Variants in LRP5 observed in about 807,000 individuals in gnomAD.
LRP5 encodes the protein LDL receptor related protein 5, also known as low-density lipoprotein receptor-related protein 5.
In LRP5, 62 loss-of-function variants were observed where a neutral mutation model predicts 154.1. That is an observed-to-expected ratio of 0.40 (90% confidence interval 0.33 to 0.50). LRP5 has a LOEUF of 0.50. Ranked by LOEUF, LRP5 falls within the 20% of genes least tolerant of loss-of-function variation. The pLI is 0.55. For synonymous variants in LRP5, 966 were observed against 1,011.5 expected (o/e 0.96, Z 0.85); for missense variants, 1,915 against 2,336.7 (o/e 0.82, Z 3.72).
chr11:68,365,524 A>G (rs1409359426), intron 4 of LRP5, 47 bp from the exon 5 acceptor site: 6 of 1,612,610 alleles, frequency 3.7e-6, no homozygotes, highest in African/African-American at 1.3e-5. Flanking sequence ...GAAACAAGTG[A>G]CGGTCCTCTT....
Position 68,449,004 on chromosome 11 carries a change from C to T in LRP5, c.4782C>T (p.Pro1594=), listed in dbSNP as rs752602099. The T allele has an allele frequency of 3.2e-5, 51 of 1,598,948 alleles. No homozygotes were observed. The highest frequency in any genetic ancestry group is 1.7e-4 in the Middle Eastern group (1 of 6,034). ...CGGAGGACAGCTGCCCGCCCTCGCC[C>T]GCCACCGAGAGGAGCTACTTCCATC... The part of the protein sequence containing the change: ...LSAEDSCPPS[P]ATERSYFHLF... Residue 1594 remains proline (P), a synonymous_variant, in exon 23 of 23, where the codon CCC becomes CCT. Coordinates refer to ENST00000294304, the MANE Select transcript of LRP5 (RefSeq NM_002335.4).
chr11:68,411,875 A>G (rs961997411), intron 11 of LRP5, among the ~76,000 whole-genome samples: 1 of 152,194 alleles, frequency 6.6e-6, no homozygotes, highest in Admixed American at 6.5e-5. Context: ...GCTGGGCACT[A>G]GGTCCCAGCT....
chr11:68,304,004 C>T, the LRP5 span, among the ~76,000 whole-genome samples: 1 of 152,196 alleles, frequency 6.6e-6, no homozygotes, highest in Non-Finnish European at 1.5e-5. Context: ...AGTGGAGTAA[C>T]CTCTTGCTAG....
intron 21 of LRP5, among the ~76,000 whole-genome samples, chr11:68,443,885 G>A (rs1054161386): frequency 6.6e-6 from 1 of 151,252 alleles, no homozygotes; most frequent in African/African-American, 2.4e-5. Flanking sequence ...TCTCGAACTC[G>A]CGACCTCAGG....
intron 5 of LRP5, among the ~76,000 whole-genome samples, chr11:68,375,554 C>T (rs929497586): frequency 3.9e-5 from 6 of 152,222 alleles, no homozygotes; most frequent in African/African-American, 7.2e-5. Flanking sequence ...CTCCTCCGCC[C>T]GTGCGCAGCC....
At chr11:68,419,147 A>C (rs1214562514) in intron 13 of LRP5, among the ~76,000 whole-genome samples, 1 of 152,146 alleles carries the variant, frequency 6.6e-6, no homozygotes, top group South Asian at 2.1e-4. Context: ...TTATCATCCA[A>C]TTGGCCGAGG....
chr11:68,371,626 C>T (rs1397194491), intron 5 of LRP5, among the ~76,000 whole-genome samples: 5 of 152,270 alleles, frequency 3.3e-5, no homozygotes, highest in Non-Finnish European at 7.3e-5. Flanking sequence ...TGCGGCCGTG[C>T]GCCCGGCGGG....
Position 68,386,764 on chromosome 11 carries a change from C to G in LRP5, c.1412+52C>G, listed in dbSNP as rs576924297. On this transcript the variant is annotated intron_variant, in intron 6 of 22. Transcript: ENST00000294304. The surrounding 1 kb of genome is among the most constrained non-coding windows in gnomAD (Gnocchi z 7.9). ...GAGCCAGGGCCAGGCCAAGCACAGG[C>G]GAGAGGGAGATTGACCTGGACCTGT... The G allele has an allele frequency of 1.0e-5, 16 of 1,574,746 alleles. No individual in the cohort carries two copies. In the South Asian group the frequency reaches 1.8e-4, roughly 18 times the overall value.
intron 21 of LRP5, among the ~76,000 whole-genome samples, chr11:68,445,223 C>T (rs1267035706): frequency 6.6e-6 from 1 of 152,172 alleles, no homozygotes; most frequent in Non-Finnish European, 1.5e-5. Flanking sequence ...CCTCAGCCTC[C>T]CAAGTAGCTG....
chr11:68,396,827 G>A (rs2098649657), intron 7 of LRP5, among the ~76,000 whole-genome samples: 1 of 152,154 alleles, frequency 6.6e-6, no homozygotes, highest in South Asian at 2.1e-4. Context: ...ACCTGCTGGG[G>A]CCCACCCAGG....
chr11:68,413,654 C>A lies in LRP5; in HGVS notation c.2504-35C>A. On this transcript the variant is annotated intron_variant, in intron 11 of 22. Transcript: ENST00000294304. The surrounding 1 kb of genome is among the most constrained non-coding windows in gnomAD (Gnocchi z 5.1). ...CGTGTGCTCTGTGGCCTGGCTGTGC[C>A]TTTGCTGACACCGTGCCCGTGTGTG... 6.2e-7 allele frequency: 1 copy of A among 1,601,514 alleles called. No homozygotes were observed. The highest frequency in any genetic ancestry group is 8.6e-7 in the Non-Finnish European group (1 of 1,169,492).
In LRP5 at chr11:68,425,962, C is replaced by A; in HGVS notation, c.3428-16C>A. 1 of 1,606,244 alleles carries A rather than the reference C, an allele frequency of 6.2e-7. No homozygotes were observed. The highest frequency in any genetic ancestry group is 8.5e-7 in the Non-Finnish European group (1 of 1,178,908). ...GAGGTCAGCACTGCTCAGGGGGGCCCACGGGCTGCTTGCAGGGGCCAACCG... is the reference window on the plus strand; with the variant it reads ...GAGGTCAGCACTGCTCAGGGGGGCCAACGGGCTGCTTGCAGGGGCCAACCG... On this transcript the variant is annotated splice_polypyrimidine_tract_variant and intron_variant, in intron 15 of 22. Coordinates refer to ENST00000294304, the MANE Select transcript of LRP5 (RefSeq NM_002335.4).
At chr11:68,312,898 C>G (rs2098589577) in intron 1 of LRP5, 93 bp downstream of exon 1, 1 of 691,290 alleles carries the variant, frequency 1.4e-6, no homozygotes, top group African/African-American at 2.0e-5. Flanking sequence ...GCCGCCGTCT[C>G]GGAAGCGACT....
At chr11:68,366,981 C>G (rs372799749) in intron 5 of LRP5, among the ~76,000 whole-genome samples, 1 of 142,220 alleles carries the variant, frequency 7.0e-6, no homozygotes, top group East Asian at 2.3e-4. Flanking sequence ...CTCTGGCGCT[C>G]GCACTCTGGG....
intron 18 of LRP5, 149 bp downstream of exon 18, chr11:68,433,987 A>G: frequency 1.3e-6 from 1 of 792,012 alleles, no homozygotes; most frequent in Non-Finnish European, 2.1e-6. Context: ...AGGCCCAACA[A>G]GGAAAACTCT....
intron 9 of LRP5, among the ~76,000 whole-genome samples, chr11:68,407,679 A>T (rs1311604747): frequency 1.4e-5 from 1 of 72,746 alleles, no homozygotes; most frequent in East Asian, 5.2e-4. Flanking sequence ...CGTCTCTACT[A>T]AAAATACAAA....
intron 15 of LRP5, among the ~76,000 whole-genome samples, 157 bp downstream of exon 15, chr11:68,425,449 T>C (rs1023639375): frequency 1.3e-5 from 2 of 152,218 alleles, no homozygotes; most frequent in Admixed American, 1.3e-4. Context: ...AGCTGTAGGC[T>C]GGGGTTCTGA....
At chr11:68,350,988 G>T (rs901804732) in intron 2 of LRP5, among the ~76,000 whole-genome samples, 1 of 152,168 alleles carries the variant, frequency 6.6e-6, no homozygotes, top group South Asian at 2.1e-4. Context: ...GTGGATATTT[G>T]TGTGTGTATG....
chr11:68,428,000 T>A (rs644031), intron 16 of LRP5, among the ~76,000 whole-genome samples: 1 of 150,946 alleles, frequency 6.6e-6, no homozygotes, highest in Admixed American at 6.6e-5. Context: ...TATTTATTTA[T>A]TTATTTATTG....
Sources: gnomAD v4.1 joint callset for allele counts (sites outside exome capture counted in the v4.1 genomes callset) on GRCh38, gnomAD v4.1.1 for gene constraint, Gnocchi (gnomAD v3.1) non-coding constraint, MANE v1.5 for transcripts, NCBI Gene and HGNC (gene_info 2026-07-23, HGNC 2026-07-21) for gene names.